The following ADAM23 variants were observed in gnomAD, a reference collection of about 807,000 sequenced individuals.
ADAM23 encodes the protein disintegrin and metalloproteinase domain-containing protein 23.
In ADAM23, 33 loss-of-function variants were observed where a neutral mutation model predicts 120.1. The ratio of observed to expected loss-of-function variants is 0.27; its 90% CI spans 0.21 to 0.37. The LOEUF is 0.37. Ranked by LOEUF, ADAM23 falls within the 10% of genes least tolerant of loss-of-function variation. ADAM23 has a pLI of 1.00. For missense variants in ADAM23, 862 were observed against 1,058.2 expected, an observed-to-expected ratio of 0.81 and a Z score of 2.57; for synonymous variants, 367 against 375.2, an observed-to-expected ratio of 0.98 and a Z score of 0.25.
chr2:206,617,053 A>G (rs1407078763), intron 25 of ADAM23, among the ~76,000 whole-genome samples: 4 of 152,150 alleles, frequency 2.6e-5, no homozygotes, highest in Admixed American at 6.6e-5. Context: ...TGCTTGTTCT[A>G]TAGTGGAGTA....
At chr2:206,481,424 T>C (rs1004501616) in intron 3 of ADAM23, 116 bp downstream of exon 3, 7 of 672,518 alleles carry the variant, frequency 1.0e-5, no homozygotes, top group Middle Eastern at 2.8e-4. Context: ...AGCAGATTAT[T>C]ATAGAGCATG....
At chr2:206,570,404 T>G (rs1398766399) in intron 15 of ADAM23, among the ~76,000 whole-genome samples, 1 of 152,184 alleles carries the variant, frequency 6.6e-6, no homozygotes, top group Non-Finnish European at 1.5e-5. Context: ...TTATTAGCAA[T>G]GCATTTTAGC....
intron 3 of ADAM23, among the ~76,000 whole-genome samples, chr2:206,497,288 A>T (rs1574497869): frequency 6.6e-6 from 1 of 152,328 alleles, no homozygotes; most frequent in East Asian, 1.9e-4. Context: ...GCAACACATC[A>T]AAAAGCTTAT....
chr2:206,497,138 C>G (rs1696270043), intron 3 of ADAM23, among the ~76,000 whole-genome samples: 1 of 152,296 alleles, frequency 6.6e-6, no homozygotes, highest in East Asian at 1.9e-4. Flanking sequence ...GGGAATCCTC[C>G]CTAACTCATT....
At position 206,618,711 on chromosome 2, in the gene ADAM23, G is replaced by A. The variant is rs1698984001; in HGVS notation, c.*1084G>A. ...GGTGTGCGTTAAACCAAAAATAAAA[G>A]GGGGGACATAAACAACAAAATAACC... On this transcript the variant is annotated 3_prime_UTR_variant, in exon 26 of 26. Transcript: ENST00000264377. 1.3e-5 allele frequency: 2 copies of A among 152,056 alleles called. No individual in the cohort carries two copies. Among genetic ancestry groups the A allele is most frequent in the Admixed American group, 1.3e-4 (2 of 15,270 alleles). 9.4% of individuals were successfully genotyped at this position (152,056 alleles called of 1,614,324 possible). A position where few individuals can be genotyped will look rare whatever the true frequency, so the allele number is the denominator to read the frequency against.
At chr2:206,470,199 G>A (rs1695625083) in intron 2 of ADAM23, among the ~76,000 whole-genome samples, 1 of 151,886 alleles carries the variant, frequency 6.6e-6, no homozygotes, top group African/African-American at 2.4e-5. Context: ...AGCCAACAAG[G>A]TAATATATAA....
At chr2:206,560,204 G>C (rs1301311964) in intron 11 of ADAM23, 86 bp downstream of exon 11, 2 of 1,378,476 alleles carry the variant, frequency 1.5e-6, no homozygotes, top group Non-Finnish European at 2.0e-6. Flanking sequence ...TTAAATATCA[G>C]AAAATAGTGA....
intron 12 of ADAM23, among the ~76,000 whole-genome samples, 173 bp downstream of exon 12, chr2:206,561,385 T>A (rs530364758): frequency 8.5e-5 from 13 of 152,324 alleles, no homozygotes; most frequent in Admixed American, 3.9e-4. Context: ...CATAGTGACA[T>A]ATTTTGGTGT....
At chr2:206,538,045 T>A (rs1697216411) in intron 4 of ADAM23, among the ~76,000 whole-genome samples, 1 of 152,184 alleles carries the variant, frequency 6.6e-6, no homozygotes, top group Non-Finnish European at 1.5e-5. Context: ...GAAATCAAGA[T>A]AGCAGATGAC....
intron 2 of ADAM23, among the ~76,000 whole-genome samples, chr2:206,472,023 A>G (rs1695669817): frequency 6.6e-6 from 1 of 152,210 alleles, no homozygotes; most frequent in Non-Finnish European, 1.5e-5. Flanking sequence ...GCAAACATTA[A>G]TCACTAACAG....
intron 2 of ADAM23, among the ~76,000 whole-genome samples, chr2:206,457,688 T>G (rs1360688186): frequency 6.6e-6 from 1 of 152,240 alleles, no homozygotes; most frequent in African/African-American, 2.4e-5. Flanking sequence ...TTCACTTTCC[T>G]CTAGCAGTTT....
At position 206,530,956 on chromosome 2, in the gene ADAM23, T is replaced by C. The variant is rs746017130; in HGVS notation, c.573+8T>C. 3 of 1,613,262 alleles carry C rather than the reference T, an allele frequency of 1.9e-6. No homozygotes were observed. The highest frequency in any genetic ancestry group is 1.7e-5 in the Admixed American group (1 of 59,982). ...AAACCACAGTACTCTAAGGTACGGT[T>C]ACCGGCGTCGGCAAGTACTCTAGTA... On this transcript the variant is annotated splice_region_variant and intron_variant, in intron 4 of 25. Coordinates refer to ENST00000264377, the MANE Select transcript of ADAM23 (RefSeq NM_003812.4).
At chr2:206,561,303 T>C (rs752379484) in intron 12 of ADAM23, 91 bp downstream of exon 12, 2 of 1,107,106 alleles carry the variant, frequency 1.8e-6, no homozygotes, top group Non-Finnish European at 2.7e-6. Flanking sequence ...TTGTTTAGAA[T>C]GATGACATGG....
At chr2:206,544,666 G>A (rs1271988126) in intron 6 of ADAM23, among the ~76,000 whole-genome samples, 6 of 148,988 alleles carry the variant, frequency 4.0e-5, no homozygotes, top group African/African-American at 1.5e-4. Context: ...AGGCTGGAGT[G>A]CAGTGGCACT....
Position 206,565,073 on chromosome 2 carries a change from ATTTTCATTATG to A in ADAM23, c.1394+6_1394+16del. On this transcript the variant is annotated splice_donor_region_variant and intron_variant, in intron 14 of 25. Transcript: ENST00000264377. The stretch of plus-strand genomic sequence containing the variant: ...CTGCATCATGGAGGAAACAGGGTAA[ATTTTCATTATG>A]CGTGCATTTGATATATGCCTTTTGC... 6.2e-7 allele frequency: 1 copy of A among 1,613,858 alleles called. No homozygotes were observed. The highest frequency in any genetic ancestry group is 8.5e-7 in the Non-Finnish European group (1 of 1,179,878).
intron 12 of ADAM23, among the ~76,000 whole-genome samples, 194 bp downstream of exon 12, chr2:206,561,406 A>G (rs1385310448): frequency 7.9e-5 from 12 of 152,116 alleles, no homozygotes; most frequent in Admixed American, 6.6e-4. Context: ...CATAATGACA[A>G]TTTTTCGTAT....
intron 2 of ADAM23, among the ~76,000 whole-genome samples, chr2:206,457,963 G>T (rs1695333133): frequency 6.6e-6 from 1 of 152,176 alleles, no homozygotes; most frequent in Admixed American, 6.5e-5. Flanking sequence ...ATGCAGTATA[G>T]CCAGTGTTTC....
Position 206,559,944 on chromosome 2 carries a change from T to C in ADAM23, c.1006-11T>C. 1 of 1,610,152 alleles carries C rather than the reference T, an allele frequency of 6.2e-7. No homozygotes were observed. The highest frequency in any genetic ancestry group is 8.5e-7 in the Non-Finnish European group (1 of 1,178,178). ...TTTTCCTCCTGCACCTGTCCTGTTG[T>C]ATACCCTCAGATTTACAAGGAGCAG... On this transcript the variant is annotated splice_polypyrimidine_tract_variant and intron_variant, in intron 10 of 25. Coordinates refer to ENST00000264377, the MANE Select transcript of ADAM23 (RefSeq NM_003812.4).
chr2:206,576,366 T>A (rs1424289746), intron 18 of ADAM23, among the ~76,000 whole-genome samples: 1 of 151,830 alleles, frequency 6.6e-6, no homozygotes, highest in Non-Finnish European at 1.5e-5. Flanking sequence ...GAAATAAGAT[T>A]TTTATGATGA....
Sources: allele counts gnomAD v4.1 joint callset (sites outside exome capture counted in the v4.1 genomes callset), GRCh38; gene constraint gnomAD v4.1.1; transcripts MANE v1.5; gene names NCBI Gene and HGNC (gene_info 2026-07-23, HGNC 2026-07-21).